The following LRP2 variants were observed in gnomAD, a reference collection of about 807,000 sequenced individuals.
The protein encoded by LRP2 is LDL receptor related protein 2.
A neutral mutation model predicts 531.0 loss-of-function variants in LRP2; 172 were observed. The ratio of observed to expected loss-of-function variants is 0.32; its 90% CI spans 0.29 to 0.37. The LOEUF is 0.37. Ranked by LOEUF, LRP2 falls within the 10% of genes least tolerant of loss-of-function variation. LRP2 has a pLI of 1.00. For synonymous variants in LRP2, 1,992 were observed against 2,027.6 expected, an observed-to-expected ratio of 0.98 and a Z score of 0.47; for missense variants, 5,167 against 5,868.3, an observed-to-expected ratio of 0.88 and a Z score of 3.90.
At position 169,145,758 on chromosome 2, in the gene LRP2, T is replaced by C. The variant is rs1036535995; in HGVS notation, c.12977A>G (p.Tyr4326Cys). 5.6e-6 allele frequency: 9 copies of C among 1,614,060 alleles called. No homozygotes were observed. The African/African-American group carries it at 1.1e-4, about 19-fold the overall frequency. ...AAGTTGGTGATTACCTGACTTATTGTATCTGAGTTGATGAAAGATTCGAAC... is the reference window on the plus strand; with the variant it reads ...AAGTTGGTGATTACCTGACTTATTGCATCTGAGTTGATGAAAGATTCGAAC... ...TQVRIFHQLRYNKSVPNLCKQ... is the reference protein window; with the variant it reads ...TQVRIFHQLRCNKSVPNLCKQ... Residue 4326 changes from tyrosine (Y) to cysteine (C), a missense_variant, in exon 70 of 79, where the codon TAC (tyrosine) becomes TGC (cysteine). By Grantham distance (194) the Tyr-to-Cys change is radical (BLOSUM62 -2). Transcript: ENST00000649046.
In LRP2 at chr2:169,279,606, A is replaced by G; in HGVS notation, c.1342-11T>C. On this transcript the variant is annotated splice_polypyrimidine_tract_variant and intron_variant, in intron 11 of 78. Transcript: ENST00000649046. ...GTCAACTGAAAAAACCTGAAAGAAA[A>G]ACCAAAATTATTATATTTCTTCAGC... 1 of 1,534,422 alleles carries G rather than the reference A, an allele frequency of 6.5e-7. No individual in the cohort carries two copies. Among genetic ancestry groups the G allele is most frequent in the African/African-American group, 1.4e-5 (1 of 73,458 alleles).
At chr2:169,278,988 G>A (rs1475279335) in intron 12 of LRP2, among the ~76,000 whole-genome samples, 1 of 152,176 alleles carries the variant, frequency 6.6e-6, no homozygotes, top group African/African-American at 2.4e-5. Flanking sequence ...GCTAATTCAT[G>A]TTAGAGTAAT....
chr2:169,327,739 C>T (rs562940995), intron 1 of LRP2, among the ~76,000 whole-genome samples: 4,967 of 126,412 alleles, frequency 0.039, 83 homozygotes, highest in Non-Finnish European at 0.061. Flanking sequence ...GCCAGCCGCC[C>T]CGTCCGGGAG....
In LRP2 at chr2:169,241,516, T is replaced by A. The variant is rs557991622; in HGVS notation, c.3668-151A>T. On this transcript the variant is annotated intron_variant, in intron 24 of 78. Transcript: ENST00000649046. ...ATATTTAAGGCTAAATGATATAGAG[T>A]CTTCTCCCACACTCTAGTACATAGA... is the stretch of plus-strand genomic sequence containing the variant. 5 of 846,366 alleles carry A rather than the reference T, an allele frequency of 5.9e-6. No individual in the cohort carries two copies. The South Asian group carries it at 7.4e-5, about 12-fold the overall frequency. The allele number at this position is 846,366 out of a possible 1,614,324, so 52.4% of individuals were successfully genotyped here.
intron 9 of LRP2, among the ~76,000 whole-genome samples, chr2:169,286,979 G>T (rs981086550): frequency 2.6e-5 from 4 of 152,166 alleles, no homozygotes; most frequent in East Asian, 1.9e-4. Context: ...TAGCAGTGAG[G>T]GGGGAAAAGG....
rs1392835128 is a variant in LRP2, at chr2:169,275,087, A to C, written c.1924T>G (p.Ser642Ala). The C allele has an allele frequency of 6.2e-7, 1 of 1,613,618 alleles. No individual in the cohort carries two copies. Among genetic ancestry groups the C allele is most frequent in the East Asian group, 2.2e-5 (1 of 44,872 alleles). ...ETNPQVYYQA[S>A]LRPYGVTVYH... ...ACAGTCACTCCATAGGGCCTCAGGGAAGCCTGGTAGTACACTTGTGGGTTG... is the reference window on the plus strand; with the variant it reads ...ACAGTCACTCCATAGGGCCTCAGGGCAGCCTGGTAGTACACTTGTGGGTTG... Residue 642 changes from serine to alanine, a missense_variant, in exon 14 of 79, where the codon TCC (serine) becomes GCC (alanine). This residue lies in a region of LRP2 where 2,811 missense variants were observed against 3,058.0 expected (regional missense o/e 0.92). Coordinates refer to ENST00000649046, the MANE Select transcript of LRP2 (RefSeq NM_004525.3).
chr2:169,214,241 C>T (rs1275599571), intron 35 of LRP2, among the ~76,000 whole-genome samples: 1 of 152,182 alleles, frequency 6.6e-6, no homozygotes, highest in East Asian at 1.9e-4. Flanking sequence ...GAGTTTAACA[C>T]CTTCACTGAC....
At chr2:169,210,586 C>G (rs375578655) in intron 37 of LRP2, among the ~76,000 whole-genome samples, 1 of 152,182 alleles carries the variant, frequency 6.6e-6, no homozygotes, top group African/African-American at 2.4e-5. Context: ...GTGTGGGATT[C>G]TCAAAGACAA....
intron 3 of LRP2, among the ~76,000 whole-genome samples, chr2:169,311,746 G>A (rs1263547066): frequency 6.6e-6 from 1 of 152,086 alleles, no homozygotes; most frequent in African/African-American, 2.4e-5. Flanking sequence ...TTCAATTCCT[G>A]GAAATCTTTG....
intron 1 of LRP2, among the ~76,000 whole-genome samples, chr2:169,333,371 T>C (rs1385803980): frequency 1.3e-5 from 2 of 152,066 alleles, no homozygotes; most frequent in African/African-American, 2.4e-5. Flanking sequence ...GTACCCAGCC[T>C]ACCCTCAATA....
intron 27 of LRP2, 113 bp downstream of exon 27, chr2:169,237,978 G>C: frequency 1.2e-6 from 1 of 856,208 alleles, no homozygotes; most frequent in Non-Finnish European, 2.0e-6. Flanking sequence ...GGCCCAGAAG[G>C]TACCATGAGA....
chr2:169,257,468 G>A (rs1690350947), intron 17 of LRP2, among the ~76,000 whole-genome samples: 1 of 151,900 alleles, frequency 6.6e-6, no homozygotes, highest in Non-Finnish European at 1.5e-5. Context: ...CATTTAAATG[G>A]GCATTGAGAG....
chr2:169,248,318 TA>T (rs1690095555), intron 19 of LRP2, among the ~76,000 whole-genome samples: 1 of 152,242 alleles, frequency 6.6e-6, no homozygotes, highest in Non-Finnish European at 1.5e-5. Flanking sequence ...TAGAAAACCC[TA>T]ATTAATCAGA....
chr2:169,271,948 T>A (rs114566636), intron 15 of LRP2, among the ~76,000 whole-genome samples: 3 of 151,776 alleles, frequency 2.0e-5, no homozygotes, highest in Admixed American at 2.0e-4. Context: ...ATGAAGGAGG[T>A]ATGCCCAAGA....
intron 4 of LRP2, among the ~76,000 whole-genome samples, chr2:169,299,155 GAAAAAAAGAAAGAAAGAAAA>G (rs1352592521): frequency 2.6e-4 from 6 of 23,494 alleles, no homozygotes; most frequent in African/African-American, 4.3e-4. Context: ...AAGAAAGAAA[GAAAAAAAGAAAGAAAGAAAA>G]AGAAAGAAAG....
At chr2:169,263,721 T>C (rs960530163) in intron 16 of LRP2, among the ~76,000 whole-genome samples, 2 of 152,116 alleles carry the variant, frequency 1.3e-5, no homozygotes, top group Non-Finnish European at 2.9e-5. Context: ...AGACATACCA[T>C]TTGACCCAGC....
rs1685684164 is a variant in LRP2 at position 169,140,542 on chromosome 2, A to G, written c.13112T>C (p.Ile4371Thr). Reference sequence around the variant, plus strand: ...GGGGGGCAGGTTGATAGGCAGTTCGATGGCTGCAGGAAGGGAAAGCCATGC... The same window carrying G: ...GGGGGGCAGGTTGATAGGCAGTTCGGTGGCTGCAGGAAGGGAAAGCCATGC... Reference protein sequence around the residue: ...EGSTTECDAAIELPINLPPPC... With the variant: ...EGSTTECDAATELPINLPPPC... The change falls in exon 72 of 79, where the codon ATC (isoleucine) becomes ACC (threonine). Residue 4371 changes from isoleucine to threonine, a missense_variant. Around this residue, in one of 6 missense-constraint regions of LRP2, gnomAD observed 348 missense variants for 369.3 expected, o/e 0.94. Coordinates refer to ENST00000649046, the MANE Select transcript of LRP2 (RefSeq NM_004525.3). 2 of 1,612,246 alleles carry G rather than the reference A, an allele frequency of 1.2e-6. No homozygotes were observed. Among genetic ancestry groups the G allele is most frequent in the Non-Finnish European group, 8.5e-7 (1 of 1,178,428 alleles).
intron 43 of LRP2, 145 bp from the exon 44 acceptor site, chr2:169,202,015 G>T: frequency 4.1e-6 from 4 of 975,518 alleles, no homozygotes; most frequent in Non-Finnish European, 6.1e-6. Context: ...TGCAAAGTGA[G>T]ATAACACTTT....
At chr2:169,349,618 G>T (rs1186871082) in intron 1 of LRP2, among the ~76,000 whole-genome samples, 1 of 152,170 alleles carries the variant, frequency 6.6e-6, no homozygotes, top group Non-Finnish European at 1.5e-5. Flanking sequence ...CCTGCAATCA[G>T]CTCCTTTGGG....
Sources: allele counts gnomAD v4.1 joint callset (sites outside exome capture counted in the v4.1 genomes callset), GRCh38; gene constraint gnomAD v4.1.1; regional missense constraint gnomAD v4.1.1; transcripts MANE v1.5; gene names NCBI Gene and HGNC (gene_info 2026-07-23, HGNC 2026-07-21).